The following MMP20 variants were observed in gnomAD, a reference collection of about 807,000 sequenced individuals.
MMP20 encodes the protein matrix metallopeptidase 20.
Under a neutral mutation model 51.8 loss-of-function variants are expected in MMP20, and 50 were observed. The observed-to-expected ratio is 0.97, with a 90% confidence interval of 0.77 to 1.22. The LOEUF (loss-of-function observed/expected upper bound fraction) is 1.22, where lower values mean the gene tolerates loss of function less well. Ranked by LOEUF, MMP20 falls within the 50% of genes most tolerant of loss-of-function variation. MMP20 has a pLI of 0.00. For missense variants in MMP20, 663 were observed against 601.4 expected, an observed-to-expected ratio of 1.10 and a Z score of -1.07; for synonymous variants, 244 against 216.2, an observed-to-expected ratio of 1.13 and a Z score of -1.13.
At chr11:102,590,178 G>A (rs770496061) in intron 8 of MMP20, among the ~76,000 whole-genome samples, 12 of 152,152 alleles carry the variant, frequency 7.9e-5, no homozygotes, top group Non-Finnish European at 1.5e-4. Flanking sequence ...AGGCAAGGAA[G>A]AATATGTAAA....
At chr11:102,579,194 T>G in intron 8 of MMP20, 52 bp from the exon 9 acceptor site, 4 of 1,276,624 alleles carry the variant, frequency 3.1e-6, no homozygotes, top group Non-Finnish European at 4.5e-6. Context: ...TTTTACTGGT[T>G]GTAGATGACA....
Position 102,594,767 on chromosome 11 carries a change from A to G in MMP20, c.954-10T>C, listed in dbSNP as rs1209566258. ...CCGTCTCCAGAAAATCCTATGGGAC[A>G]TTCCAAAAAAAAAAAAAAAAAAAAT... On this transcript the variant is annotated splice_polypyrimidine_tract_variant and intron_variant, in intron 6 of 9. Transcript: ENST00000260228. 18 of 1,478,946 alleles carry G rather than the reference A, an allele frequency of 1.2e-5. No individual in the cohort carries two copies. The highest frequency in any genetic ancestry group is 2.6e-5 in the East Asian group (1 of 38,418). The allele number at this position is 1,478,946 out of a possible 1,614,324, so 91.6% of individuals were successfully genotyped here.
chr11:102,611,331 C>T (rs2135943194), intron 3 of MMP20, among the ~76,000 whole-genome samples: 1 of 152,298 alleles, frequency 6.6e-6, no homozygotes, highest in East Asian at 1.9e-4. Flanking sequence ...AGGGGGAAAG[C>T]TGCTTCAAGG....
rs533579978 is a variant in MMP20, at chr11:102,618,378, C to G, written c.127-1319G>C. On this transcript the variant is annotated intron_variant, in intron 1 of 9. Transcript: ENST00000260228. ...CCTATATATTAACCATATATTACCA[C>G]ATATAAACTATGCAAATTGTTTACT... is the stretch of plus-strand genomic sequence containing the variant. Among the ~76,000 whole-genome samples the G allele has an allele frequency of 3.3e-5, 5 of 151,564 alleles. No homozygotes were observed. The South Asian group carries it at 1.0e-3, about 31-fold the overall frequency.
chr11:102,594,908 CTTT>C (rs10532934), intron 6 of MMP20, 151 bp from the exon 7 acceptor site: 15,340 of 753,362 alleles, frequency 0.02, 8 homozygotes, highest in Middle Eastern at 0.03. Flanking sequence ...TTTCTCTTTT[CTTT>C]TTTTTTTTTT....
At chr11:102,588,356 TGAGAA>T (rs914220535) in intron 8 of MMP20, among the ~76,000 whole-genome samples, 4 of 152,084 alleles carry the variant, frequency 2.6e-5, no homozygotes, top group Non-Finnish European at 4.4e-5. Context: ...CTAAAGAAGC[TGAGAA>T]GAGAAAAGAG....
chr11:102,607,241 T>G (rs1007363066), intron 5 of MMP20: 4 of 168,862 alleles, frequency 2.4e-5, no homozygotes, highest in Non-Finnish European at 5.1e-5. Flanking sequence ...GAAACTGAAG[T>G]ACACTGAAGG....
intron 8 of MMP20, 120 bp downstream of exon 8, chr11:102,593,319 C>T (rs564059592): frequency 4.7e-4 from 453 of 964,120 alleles, no homozygotes; most frequent in Non-Finnish European, 6.4e-4. Flanking sequence ...CCCCAGTGGC[C>T]GAGAAGAGTC....
At chr11:102,601,778 C>T (rs1859448837) in intron 6 of MMP20, among the ~76,000 whole-genome samples, 1 of 152,176 alleles carries the variant, frequency 6.6e-6, no homozygotes, top group Non-Finnish European at 1.5e-5. Context: ...ATATTATACT[C>T]TCAGCCATGA....
rs529952249 is a variant in MMP20 at position 102,581,424 on chromosome 11, A to G, written c.1248-2282T>C. On this transcript the variant is annotated intron_variant, in intron 8 of 9. Coordinates refer to ENST00000260228, the MANE Select transcript of MMP20 (RefSeq NM_004771.4). ...AAGGGGTGAAAAAGGAGGGCTAAAA[A>G]GTGTTGGAGGCAGTCCAGAGAACCA... Among the ~76,000 whole-genome samples, 10 of 152,294 alleles carry G rather than the reference A, an allele frequency of 6.6e-5. No individual in the cohort carries two copies. The East Asian group carries it at 1.5e-3, about 23-fold the overall frequency.
At position 102,609,971 on chromosome 11, in the gene MMP20, G is replaced by C. The variant is rs1397635260; in HGVS notation, c.583C>G (p.Pro195Ala). ...PRGTLAHAFA[P>A]GEGLGGDTHF... ...GTATCTCCTCCCAGGCCTTCTCCAG[G>C]AGCAAATGCATGGGCTAGAGTCCCC... is the stretch of plus-strand genomic sequence containing the variant. Residue 195 changes from proline (P) to alanine (A), a missense_variant, in exon 4 of 10, where the codon CCT (proline) becomes GCT (alanine). Transcript: ENST00000260228. The C allele has an allele frequency of 1.2e-6, 2 of 1,614,080 alleles. No individual in the cohort carries two copies. The highest frequency in any genetic ancestry group is 1.6e-4 in the Middle Eastern group (1 of 6,062).
chr11:102,605,119 T>C (rs995903740), intron 6 of MMP20: 1 of 152,226 alleles, frequency 6.6e-6, no homozygotes, highest in Non-Finnish European at 1.5e-5. Context: ...ATGGGACTAG[T>C]GCACTTATAA....
At chr11:102,616,461 T>C (rs1036037567) in intron 2 of MMP20, among the ~76,000 whole-genome samples, 2 of 152,240 alleles carry the variant, frequency 1.3e-5, no homozygotes, top group Admixed American at 6.5e-5. Context: ...TAAATTACTT[T>C]ATTAGTAGGT....
At chr11:102,584,930 A>T (rs954015744) in intron 8 of MMP20, among the ~76,000 whole-genome samples, 3 of 152,168 alleles carry the variant, frequency 2.0e-5, no homozygotes, top group African/African-American at 7.2e-5. Context: ...TCAGTTGCCC[A>T]TAGATACATG....
chr11:102,601,142 T>TCTCTGG (rs1387430665), intron 6 of MMP20, among the ~76,000 whole-genome samples: 3 of 24,744 alleles, frequency 1.2e-4, no homozygotes, highest in East Asian at 6.7e-4. Flanking sequence ...TTTTTTTTTT[T>TCTCTGG]TTTTTTTTGA....
chr11:102,611,707 G>C (rs771963157), intron 3 of MMP20, 48 bp downstream of exon 3: 1 of 1,601,778 alleles, frequency 6.2e-7, no homozygotes, highest in East Asian at 2.2e-5. Flanking sequence ...AACAGTATTG[G>C]GACAACTCTC....
chr11:102,579,149 A>T lies in MMP20; in HGVS notation c.1248-7T>A. 1 of 1,586,674 alleles carries T rather than the reference A, an allele frequency of 6.3e-7. No homozygotes were observed. The highest frequency in any genetic ancestry group is 8.7e-7 in the Non-Finnish European group (1 of 1,155,542). Reference sequence around the variant, plus strand: ...CCTTTTCCTTTCGTCGTAGCTAGAAAAAGTATTATTTCATAAATAATATTA... The same window carrying T: ...CCTTTTCCTTTCGTCGTAGCTAGAATAAGTATTATTTCATAAATAATATTA... On this transcript the variant is annotated splice_region_variant and splice_polypyrimidine_tract_variant and intron_variant, in intron 8 of 9. Transcript: ENST00000260228.
intron 9 of MMP20, among the ~76,000 whole-genome samples, chr11:102,578,158 T>TTA (rs1555074378): frequency 2.2e-4 from 34 of 151,822 alleles, no homozygotes; most frequent in African/African-American, 7.7e-4. Flanking sequence ...TTTTTTTTTT[T>TTA]TTTGAGACAG....
intron 9 of MMP20, 55 bp downstream of exon 9, chr11:102,578,984 G>A (rs1250176756): frequency 7.5e-7 from 1 of 1,329,792 alleles, no homozygotes; most frequent in African/African-American, 1.4e-5. Context: ...TTAAAGCAAA[G>A]CCAAGATTTC....
Sources: gnomAD v4.1 joint callset for allele counts (sites outside exome capture counted in the v4.1 genomes callset) on GRCh38, gnomAD v4.1.1 for gene constraint, MANE v1.5 for transcripts, NCBI Gene and HGNC (gene_info 2026-07-23, HGNC 2026-07-21) for gene names.